Variants in ERCC6 observed in about 807,000 individuals in gnomAD.
The protein encoded by ERCC6 is DNA excision repair protein ERCC-6.
Under a neutral mutation model 158.7 loss-of-function variants are expected in ERCC6, and 116 were observed. That is an observed-to-expected ratio of 0.73 (90% CI 0.63 to 0.85). ERCC6 has a LOEUF of 0.85. Ranked by LOEUF, ERCC6 falls within the 40% of genes least tolerant of loss-of-function variation. ERCC6 has a pLI of 0.00. For synonymous variants in ERCC6, 678 were observed against 659.3 expected (o/e 1.03, Z -0.43); for missense variants, 1,698 against 1,799.4 (o/e 0.94, Z 1.02).
chr10:49,531,546 G>A (rs1000304452), intron 2 of ERCC6, among the ~76,000 whole-genome samples: 4 of 152,056 alleles, frequency 2.6e-5, no homozygotes, highest in African/African-American at 9.7e-5. Context: ...CACTCTGCAT[G>A]GAGACCCCAC....
At chr10:49,460,582 C>A in intron 19 of ERCC6, 131 bp from the exon 20 acceptor site, 1 of 718,942 alleles carries the variant, frequency 1.4e-6, no homozygotes, top group Middle Eastern at 3.6e-4. Flanking sequence ...ACAGCCATGC[C>A]ATTTCTGCTC....
At chr10:49,511,287 T>C (rs1471078705) in intron 5 of ERCC6, among the ~76,000 whole-genome samples, 1 of 152,190 alleles carries the variant, frequency 6.6e-6, no homozygotes, top group Admixed American at 6.5e-5. Context: ...GAAAAAAGTC[T>C]AGACTTAAAC....
Position 49,471,080 on chromosome 10 carries a change from CT to C in ERCC6, c.2964del (p.Asp989ThrfsTer19). The stretch of plus-strand genomic sequence containing the variant: ...TTGAAAAACCGCCTTTGTTTTGGGT[CT>C]TTTAGCACTCTATTTGTCAAAAACT... ...FKQFLTNRVL[K>X]DPKQRRFFKS... On this transcript the variant is annotated frameshift_variant, in exon 17 of 21. Transcript: ENST00000355832. LOFTEE classifies it high-confidence loss of function. 6.2e-7 allele frequency: 1 copy of C among 1,613,924 alleles called. No individual in the cohort carries two copies. The highest frequency in any genetic ancestry group is 8.5e-7 in the Non-Finnish European group (1 of 1,179,970).
At chr10:49,494,611 C>T (rs1245015766) in intron 7 of ERCC6, among the ~76,000 whole-genome samples, 1 of 152,144 alleles carries the variant, frequency 6.6e-6, no homozygotes, top group Non-Finnish European at 1.5e-5. Context: ...CTGACCACTG[C>T]CTGGCTCAGA....
chr10:49,438,601 C>A, the ERCC6 span, among the ~76,000 whole-genome samples: 4 of 151,996 alleles, frequency 2.6e-5, no homozygotes, highest in Non-Finnish European at 5.9e-5. Context: ...ATCTCATGTC[C>A]TCACATTTGA....
At chr10:49,441,596 T>TAAA in the ERCC6 span, among the ~76,000 whole-genome samples, 1 of 151,830 alleles carries the variant, frequency 6.6e-6, no homozygotes, top group Non-Finnish European at 1.5e-5. Flanking sequence ...TCTGATTTCT[T>TAAA]AACAAAGCGT....
Position 49,460,383 on chromosome 10 carries a change from T to G in ERCC6, c.4052A>C (p.Glu1351Ala). ...GGTTATCTATATTACCTGGCACTTC[T>G]CTGTTGGAGATGTTGATGAAGGATG... is the stretch of plus-strand genomic sequence containing the variant. Reference protein sequence around the residue: ...VQHPSSTSPTEKCQDGIMKKE... With the variant: ...VQHPSSTSPTAKCQDGIMKKE... The change falls in exon 20 of 21, where the codon GAG becomes GCG. Residue 1351 changes from glutamate to alanine, a missense_variant. Physicochemically the swap from Glu to Ala is moderately radical, Grantham distance 107 (BLOSUM62 -1). Coordinates refer to ENST00000355832, the MANE Select transcript of ERCC6 (RefSeq NM_000124.4). 1 of 1,612,184 alleles carries G rather than the reference T, an allele frequency of 6.2e-7. No individual in the cohort carries two copies. The highest frequency in any genetic ancestry group is 1.1e-5 in the South Asian group (1 of 91,052).
At chr10:49,488,655 TTTTA>T (rs1175001908) in intron 8 of ERCC6, among the ~76,000 whole-genome samples, 1 of 152,016 alleles carries the variant, frequency 6.6e-6, no homozygotes, top group African/African-American at 2.4e-5. Context: ...TTTTTTTTTT[TTTTA>T]AAGTTTTTTA....
intron 20 of ERCC6, 48 bp downstream of exon 20, chr10:49,460,325 C>A (rs750284305): frequency 1.5e-6 from 2 of 1,321,618 alleles, no homozygotes; most frequent in Non-Finnish European, 1.1e-6. Context: ...TCACAGCATT[C>A]AATCAAGCAA....
intron 10 of ERCC6, among the ~76,000 whole-genome samples, chr10:49,481,179 A>AGGGAG (rs1261461716): frequency 1.3e-5 from 2 of 152,204 alleles, no homozygotes; most frequent in African/African-American, 4.8e-5. Flanking sequence ...GGTGTGGGAG[A>AGGGAG]GGGAGGGGAG....
intron 11 of ERCC6, among the ~76,000 whole-genome samples, chr10:49,477,668 C>A (rs1434982596): frequency 6.6e-6 from 1 of 152,146 alleles, no homozygotes; most frequent in Admixed American, 6.5e-5. Flanking sequence ...AGCTCCTCCT[C>A]TTCTACCCTC....
chr10:49,516,180 G>A (rs776319854), intron 5 of ERCC6: 9 of 1,613,910 alleles, frequency 5.6e-6, no homozygotes, highest in African/African-American at 2.7e-5. Flanking sequence ...ACCCTGATAC[G>A]GCTGAAACCA....
the ERCC6 span, among the ~76,000 whole-genome samples, chr10:49,446,659 C>T: frequency 6.6e-6 from 1 of 152,122 alleles, no homozygotes; most frequent in Non-Finnish European, 1.5e-5. Context: ...CTGCCTGTAG[C>T]CCCAGCCTCT....
chr10:49,467,664 C>T lies in ERCC6; in HGVS notation c.3778+2518G>A, dbSNP rs1345202552. On this transcript the variant is annotated intron_variant, in intron 18 of 20. Coordinates refer to ENST00000355832, the MANE Select transcript of ERCC6 (RefSeq NM_000124.4). The stretch of plus-strand genomic sequence containing the variant: ...CACCACAGCCTCAACCTCCCAGGCT[C>T]GAGCAATCCTCCCAGCTCAGCCTCG... 3.3e-5 allele frequency among the ~76,000 whole-genome samples: 5 copies of T among 152,088 alleles called. No homozygotes were observed. In the East Asian group the frequency reaches 9.6e-4, roughly 29 times the overall value.
At chr10:49,441,675 T>C in the ERCC6 span, among the ~76,000 whole-genome samples, 1 of 152,092 alleles carries the variant, frequency 6.6e-6, no homozygotes. Flanking sequence ...TGGCAGCGGG[T>C]GCGGACGGGA....
At chr10:49,461,039 G>T (rs1850572633) in intron 19 of ERCC6, among the ~76,000 whole-genome samples, 1 of 152,208 alleles carries the variant, frequency 6.6e-6, no homozygotes, top group South Asian at 2.1e-4. Flanking sequence ...AATGTGTGCT[G>T]TAAACTGGCT....
At chr10:49,512,140 G>A (rs770165988) in intron 5 of ERCC6, among the ~76,000 whole-genome samples, 2 of 152,122 alleles carry the variant, frequency 1.3e-5, no homozygotes, top group Non-Finnish European at 2.9e-5. Context: ...GAGCCAGCAG[G>A]AGCTCAGTTC....
intron 8 of ERCC6, among the ~76,000 whole-genome samples, chr10:49,489,857 A>G (rs1173391334): frequency 1.3e-5 from 2 of 152,164 alleles, no homozygotes; most frequent in African/African-American, 4.8e-5. Flanking sequence ...TTCATTTACT[A>G]CATTTTCTTT....
At chr10:49,534,164 A>AAAAAC (rs1564448026) in intron 1 of ERCC6, among the ~76,000 whole-genome samples, 1 of 150,738 alleles carries the variant, frequency 6.6e-6, no homozygotes, top group African/African-American at 2.5e-5. Flanking sequence ...ACAAAAAAAA[A>AAAAAC]ACTCCATTTT....
Sources: gnomAD v4.1 joint callset for allele counts (sites outside exome capture counted in the v4.1 genomes callset) on GRCh38, gnomAD v4.1.1 for gene constraint, MANE v1.5 for transcripts, NCBI Gene and HGNC (gene_info 2026-07-23, HGNC 2026-07-21) for gene names.